The following CLMN variants were observed in gnomAD, a reference collection of about 807,000 sequenced individuals.
The protein encoded by CLMN is calmin.
In CLMN, 57 loss-of-function variants were observed where a neutral mutation model predicts 92.7. The observed-to-expected ratio is 0.61, with a 90% CI of 0.50 to 0.77. The LOEUF is 0.77. Among genes scored for constraint, CLMN ranks in the 30% least tolerant of loss-of-function variants. The pLI is 0.00. For synonymous variants in CLMN, 466 were observed against 470.6 expected (o/e 0.99, Z 0.13); for missense variants, 1,158 against 1,237.5 (o/e 0.94, Z 0.96).
chr14:95,318,327 C>G (rs1901885109), intron 1 of CLMN, among the ~76,000 whole-genome samples: 1 of 152,144 alleles, frequency 6.6e-6, no homozygotes, highest in African/African-American at 2.4e-5. Context: ...CTTTCAACAT[C>G]CCAGCCCAAG....
In CLMN at chr14:95,191,817, G is replaced by T; in HGVS notation, c.2841-85C>A. The T allele has an allele frequency of 3.0e-6, 4 of 1,354,128 alleles. No homozygotes were observed. Among genetic ancestry groups the T allele is most frequent in the South Asian group, 1.4e-5 (1 of 72,276 alleles). 83.9% of individuals were successfully genotyped at this position (1,354,128 alleles called of 1,614,324 possible). On this transcript the variant is annotated intron_variant, in intron 12 of 12. Coordinates refer to ENST00000298912, the MANE Select transcript of CLMN (RefSeq NM_024734.4). The surrounding 1 kb of genome is among the most constrained non-coding windows in gnomAD (Gnocchi z 5.3). ...CACCCAGTGCTACCCGTCTCTCCCC[G>T]GCCCCCACTCCCCGCCTGAAGACCC...
In CLMN at chr14:95,308,842, A is replaced by G. The variant is rs188667245; in HGVS notation, c.82+10869T>C. On this transcript the variant is annotated intron_variant, in intron 1 of 12. Transcript: ENST00000298912. The stretch of plus-strand genomic sequence containing the variant: ...GACAAGGAAGAAGCCGTGCGCACGC[A>G]TGGGGGACCTTTTTCAGCTGCATGG... 3.5e-3 allele frequency among the ~76,000 whole-genome samples: 538 copies of G among 152,356 alleles called. 1 individual carries two copies. The highest frequency in any genetic ancestry group is 0.012 in the African/African-American group (510 of 41,584).
intron 1 of CLMN, among the ~76,000 whole-genome samples, chr14:95,247,891 G>C (rs191867778): frequency 6.6e-6 from 1 of 152,070 alleles, no homozygotes; most frequent in Admixed American, 6.6e-5. Context: ...TGAGAGAAGA[G>C]GAGAGAGAGA....
chr14:95,201,381 C>G (rs891768871), intron 9 of CLMN, among the ~76,000 whole-genome samples: 2 of 151,544 alleles, frequency 1.3e-5, no homozygotes, highest in Non-Finnish European at 2.9e-5. Context: ...TCTCAAAGGC[C>G]TTCCATCATT....
chr14:95,251,149 TG>T (rs563946030), intron 1 of CLMN, among the ~76,000 whole-genome samples: 71 of 152,272 alleles, frequency 4.7e-4, no homozygotes, highest in Non-Finnish European at 8.7e-4. Context: ...GTGTGTGTAA[TG>T]GGGGGTGGGT....
At position 95,191,715 on chromosome 14, in the gene CLMN, C is replaced by T; in HGVS notation, c.2858G>A (p.Gly953Glu). The T allele has an allele frequency of 6.2e-7, 1 of 1,608,524 alleles. No homozygotes were observed. The highest frequency in any genetic ancestry group is 8.5e-7 in the Non-Finnish European group (1 of 1,178,486). Reference protein sequence around the residue: ...RILTRKANSSGEAMSLGSHSP... With the variant: ...RILTRKANSSEEAMSLGSHSP... ...GTGGCTCCCCAGTGACATGGCTTCT[C>T]CTGAGCTGTTGGCCTTCCTACAGAA... The change falls in exon 13 of 13, where the codon GGA becomes GAA. Residue 953 changes from glycine to glutamate, a missense_variant. Transcript: ENST00000298912. The surrounding 1 kb of genome is among the most constrained non-coding windows in gnomAD (Gnocchi z 5.3).
At position 95,319,341 on chromosome 14, in the gene CLMN, AG is replaced by A. The variant is rs1901938879; in HGVS notation, c.82+369del. On this transcript the variant is annotated intron_variant, in intron 1 of 12. Coordinates refer to ENST00000298912, the MANE Select transcript of CLMN (RefSeq NM_024734.4). ...CACACACACACACACACACACACAC[AG>A]AGTCGCACTGTCTCCTCCCCTCCCT... Among the ~76,000 whole-genome samples, 11 of 143,262 alleles carry A rather than the reference AG, an allele frequency of 7.7e-5. No homozygotes were observed. In the South Asian group the frequency reaches 2.1e-3, roughly 28 times the overall value. 94.0% of individuals were successfully genotyped at this position (143,262 alleles called of 152,430 possible). A position where few individuals can be genotyped will look rare whatever the true frequency, so the allele number is the denominator to read the frequency against.
chr14:95,301,772 T>C lies in CLMN; in HGVS notation c.82+17939A>G, dbSNP rs369409834. 4.6e-5 allele frequency among the ~76,000 whole-genome samples: 7 copies of C among 152,228 alleles called. No homozygotes were observed. The East Asian group carries it at 5.8e-4, about 13-fold the overall frequency. Reference sequence around the variant, plus strand: ...CTCCACCCAACGCAAAGTCCTTCTATAGGAAACTTTCCTGGATCACTCAAC... The same window carrying C: ...CTCCACCCAACGCAAAGTCCTTCTACAGGAAACTTTCCTGGATCACTCAAC... On this transcript the variant is annotated intron_variant, in intron 1 of 12. Coordinates refer to ENST00000298912, the MANE Select transcript of CLMN (RefSeq NM_024734.4).
rs553039618 is a variant in CLMN, at chr14:95,211,626, C to T, written c.609-747G>A. 1.8e-4 allele frequency among the ~76,000 whole-genome samples: 26 copies of T among 148,110 alleles called. 1 individual carries two copies. In the South Asian group the frequency reaches 5.0e-3, roughly 29 times the overall value. On this transcript the variant is annotated intron_variant, in intron 6 of 12. Transcript: ENST00000298912. ...CTATCCTGAGACTCCACCAATCTCT[C>T]AACCGTGGTCAATAAACGCTCTTAA...
Position 95,191,423 on chromosome 14 carries a change from C to A in CLMN, c.*141G>T. 4.1e-6 allele frequency: 2 copies of A among 487,422 alleles called. No homozygotes were observed. Among genetic ancestry groups the A allele is most frequent in the Non-Finnish European group, 6.6e-6 (2 of 302,108 alleles). The allele number at this position is 487,422 out of a possible 1,614,324, so 30.2% of individuals were successfully genotyped here. On this transcript the variant is annotated 3_prime_UTR_variant, in exon 13 of 13. Transcript: ENST00000298912. The surrounding 1 kb of genome is among the most constrained non-coding windows in gnomAD (Gnocchi z 5.3). ...GGAAACCTGAAAAAAAAAAAAAAAC[C>A]ACAATAGCGAGAAAGGGGGTCTAAG... is the stretch of plus-strand genomic sequence containing the variant.
At chr14:95,246,682 T>C (rs1360551533) in intron 1 of CLMN, among the ~76,000 whole-genome samples, 2 of 152,168 alleles carry the variant, frequency 1.3e-5, no homozygotes, top group Non-Finnish European at 2.9e-5. Context: ...TTAGCCAGGA[T>C]GGTTTCAATC....
Position 95,196,582 on chromosome 14 carries a change from TC to T in CLMN, c.2623del (p.Glu875LysfsTer6). 2.5e-6 allele frequency: 4 copies of T among 1,614,276 alleles called. No individual in the cohort carries two copies. The highest frequency in any genetic ancestry group is 3.4e-6 in the Non-Finnish European group (4 of 1,180,044). The stretch of plus-strand genomic sequence containing the variant: ...TCCTGGTGCTACAAATAGTGAACTT[TC>T]TACGTGGTCCACATGTTTCCTTTTT... The part of the protein sequence containing the change: ...KEKRKHVDHV[E>X]SSLFVAPGSV... On this transcript the variant is annotated frameshift_variant, in exon 10 of 13. Coordinates refer to ENST00000298912, the MANE Select transcript of CLMN (RefSeq NM_024734.4). LOFTEE classifies it high-confidence loss of function.
At chr14:95,275,944 T>C (rs1899909133) in intron 1 of CLMN, among the ~76,000 whole-genome samples, 2 of 151,998 alleles carry the variant, frequency 1.3e-5, no homozygotes, top group Admixed American at 6.6e-5. Context: ...ATTACAGGCA[T>C]GAGCCACCAT....
intron 1 of CLMN, among the ~76,000 whole-genome samples, chr14:95,248,799 G>T (rs1054924226): frequency 6.6e-6 from 1 of 152,136 alleles, no homozygotes; most frequent in Admixed American, 6.6e-5. Flanking sequence ...TGCAGTGGGG[G>T]GAACTGGAAT....
intron 2 of CLMN, among the ~76,000 whole-genome samples, chr14:95,229,742 G>C (rs1165287952): frequency 1.3e-5 from 2 of 152,070 alleles, no homozygotes; most frequent in Admixed American, 6.6e-5. Flanking sequence ...ACAGATCCCG[G>C]GTCTGGCAAT....
intron 1 of CLMN, among the ~76,000 whole-genome samples, chr14:95,265,511 C>T (rs1029623896): frequency 6.6e-6 from 1 of 152,226 alleles, no homozygotes; most frequent in Non-Finnish European, 1.5e-5. Flanking sequence ...TGTATGTAGA[C>T]TCATCCTCTT....
chr14:95,244,161 CT>C (rs1898370191), intron 1 of CLMN, among the ~76,000 whole-genome samples: 1 of 152,154 alleles, frequency 6.6e-6, no homozygotes, highest in South Asian at 2.1e-4. Flanking sequence ...CCAATTAAAC[CT>C]CTTTTCTTTA....
At chr14:95,239,744 CTT>C (rs900212394) in intron 1 of CLMN, among the ~76,000 whole-genome samples, 11 of 152,180 alleles carry the variant, frequency 7.2e-5, no homozygotes, top group African/African-American at 2.7e-4. Context: ...ATTGGTTTAA[CTT>C]TGTTTAAACT....
At chr14:95,214,841 T>C (rs1897292002) in intron 5 of CLMN, among the ~76,000 whole-genome samples, 1 of 152,088 alleles carries the variant, frequency 6.6e-6, no homozygotes, top group Admixed American at 6.5e-5. Flanking sequence ...TGCGCCAAAA[T>C]CCAAGCAAAT....
Sources: allele counts gnomAD v4.1 joint callset (sites outside exome capture counted in the v4.1 genomes callset), GRCh38; gene constraint gnomAD v4.1.1; non-coding constraint Gnocchi (gnomAD v3.1); transcripts MANE v1.5; gene names NCBI Gene and HGNC (gene_info 2026-07-23, HGNC 2026-07-21).